Variants in RFX3 observed in about 807,000 individuals in gnomAD.
The protein encoded by RFX3 is regulatory factor X3, also known as transcription factor RFX3.
In RFX3, 14 loss-of-function variants were observed where a neutral mutation model predicts 98.6. The ratio of observed to expected loss-of-function variants is 0.14; its 90% confidence interval spans 0.09 to 0.22. The LOEUF is 0.22. Among genes scored for constraint, RFX3 ranks in the 10% least tolerant of loss-of-function variants. The pLI is 1.00. For synonymous variants in RFX3, 383 were observed against 328.4 expected (o/e 1.17, Z -1.80); for missense variants, 639 against 926.9 (o/e 0.69, Z 4.03).
chr9:3,247,976 A>G, intron 15 of RFX3, 56 bp downstream of exon 15: 3 of 1,614,010 alleles, frequency 1.9e-6, no homozygotes, highest in Non-Finnish European at 2.5e-6. Context: ...ACTGAAGTGT[A>G]ATTCTGGCTT....
intron 1 of RFX3, among the ~76,000 whole-genome samples, chr9:3,494,984 T>C (rs1285623425): frequency 6.6e-6 from 1 of 152,008 alleles, no homozygotes; most frequent in African/African-American, 2.4e-5. Flanking sequence ...ACAAGTTTGG[T>C]AGTTTAATTA....
At chr9:3,524,447 A>T in intron 1 of RFX3, 1 of 874,640 alleles carries the variant, frequency 1.1e-6, no homozygotes, top group Non-Finnish European at 1.4e-6. Context: ...ACATGCCTAG[A>T]TCTTAACCAG....
intron 4 of RFX3, among the ~76,000 whole-genome samples, chr9:3,314,726 T>C (rs1830377518): frequency 1.3e-5 from 2 of 152,014 alleles, no homozygotes; most frequent in South Asian, 4.1e-4. Flanking sequence ...GTTGCAATTC[T>C]AGTCTCTGAT....
At chr9:3,443,850 C>T (rs1450771488) in intron 1 of RFX3, among the ~76,000 whole-genome samples, 8 of 152,152 alleles carry the variant, frequency 5.3e-5, no homozygotes, top group African/African-American at 9.7e-5. Context: ...TTTTTCTCCG[C>T]AACCTTGCCA....
intron 1 of RFX3, among the ~76,000 whole-genome samples, chr9:3,508,140 A>C (rs1817294521): frequency 6.6e-6 from 1 of 151,994 alleles, no homozygotes; most frequent in Non-Finnish European, 1.5e-5. Context: ...GGACTCTATT[A>C]ATCTGAATTT....
intron 1 of RFX3, among the ~76,000 whole-genome samples, chr9:3,516,612 C>T (rs754152094): frequency 6.6e-6 from 1 of 152,102 alleles, no homozygotes; most frequent in Non-Finnish European, 1.5e-5. Context: ...TCTTAAAAAC[C>T]AGTTGAATAG....
Position 3,279,438 on chromosome 9 carries a change from G to A in RFX3, c.852-1977C>T, listed in dbSNP as rs530620626. On this transcript the variant is annotated intron_variant, in intron 7 of 16. Coordinates refer to ENST00000617270, the MANE Select transcript of RFX3 (RefSeq NM_001282116.2). Reference sequence around the variant, plus strand: ...TATTTACCCTGGAGGAGGAAAAAATGAAAATAATTCCAATAGACTTCAATT... The same window carrying A: ...TATTTACCCTGGAGGAGGAAAAAATAAAAATAATTCCAATAGACTTCAATT... Among the ~76,000 whole-genome samples the A allele has an allele frequency of 3.9e-5, 6 of 151,914 alleles. No individual in the cohort carries two copies. The East Asian group carries it at 1.2e-3, about 29-fold the overall frequency.
chr9:3,371,896 A>G (rs779253927), intron 2 of RFX3, among the ~76,000 whole-genome samples: 38 of 152,324 alleles, frequency 2.5e-4, no homozygotes, highest in Middle Eastern at 3.4e-3. Context: ...AGGTACCAAG[A>G]AAAATTCCCT....
At chr9:3,329,017 T>C (rs1278292978) in intron 4 of RFX3, among the ~76,000 whole-genome samples, 2 of 152,164 alleles carry the variant, frequency 1.3e-5, no homozygotes, top group Non-Finnish European at 1.5e-5. Context: ...TTAGTAGAGG[T>C]GAAAAGCAGA....
intron 2 of RFX3, among the ~76,000 whole-genome samples, chr9:3,356,973 G>GA (rs1835850889): frequency 7.8e-6 from 1 of 128,968 alleles, no homozygotes; most frequent in South Asian, 2.3e-4. Flanking sequence ...GCACACACAC[G>GA]CACACACACA....
chr9:3,325,666 T>A (rs1831828045), intron 4 of RFX3, among the ~76,000 whole-genome samples: 1 of 151,956 alleles, frequency 6.6e-6, no homozygotes, highest in Admixed American at 6.5e-5. Flanking sequence ...AGTGAGTAAA[T>A]AAGGCTTTTT....
At chr9:3,509,793 T>C (rs1237123884) in intron 1 of RFX3, among the ~76,000 whole-genome samples, 3 of 143,114 alleles carry the variant, frequency 2.1e-5, no homozygotes, top group African/African-American at 8.4e-5. Flanking sequence ...ATTTGAGTTC[T>C]TTGCCTTTAA....
At chr9:3,340,825 C>A (rs1400884995) in intron 3 of RFX3, among the ~76,000 whole-genome samples, 1 of 152,162 alleles carries the variant, frequency 6.6e-6, no homozygotes, top group African/African-American at 2.4e-5. Context: ...ACTAGTTCAA[C>A]CATTGTGGAA....
intron 2 of RFX3, chr9:3,394,881 G>A: frequency 1.0e-6 from 1 of 978,566 alleles, no homozygotes; most frequent in Non-Finnish European, 1.2e-6. Flanking sequence ...CAACTGCCCT[G>A]CGTATGAATA....
intron 1 of RFX3, among the ~76,000 whole-genome samples, chr9:3,396,490 G>C (rs984823429): frequency 1.3e-5 from 2 of 152,198 alleles, no homozygotes; most frequent in Admixed American, 1.3e-4. Flanking sequence ...GAATAGTGCC[G>C]CAGTAAACAT....
intron 15 of RFX3, among the ~76,000 whole-genome samples, chr9:3,243,288 A>C (rs558729056): frequency 7.3e-4 from 110 of 150,488 alleles, no homozygotes; most frequent in Non-Finnish European, 1.3e-3. Flanking sequence ...AAATTATATA[A>C]ATTTTAGCAA....
chr9:3,332,057 T>A (rs1324325499), intron 3 of RFX3, among the ~76,000 whole-genome samples: 1 of 152,208 alleles, frequency 6.6e-6, no homozygotes, highest in Non-Finnish European at 1.5e-5. Flanking sequence ...TACTCTTCCC[T>A]CTGACTGACA....
At chr9:3,302,739 A>G (rs1343031495) in intron 4 of RFX3, among the ~76,000 whole-genome samples, 1 of 151,894 alleles carries the variant, frequency 6.6e-6, no homozygotes, top group East Asian at 1.9e-4. Context: ...ATAATGCAGT[A>G]ATATCTATAG....
intron 4 of RFX3, among the ~76,000 whole-genome samples, chr9:3,318,430 G>C (rs1364875396): frequency 6.6e-6 from 1 of 151,732 alleles, no homozygotes; most frequent in Non-Finnish European, 1.5e-5. Flanking sequence ...TAAATGACGA[G>C]TTAACGGGTG....
Sources: gnomAD v4.1 joint callset for allele counts (sites outside exome capture counted in the v4.1 genomes callset) on GRCh38, gnomAD v4.1.1 for gene constraint, MANE v1.5 for transcripts, NCBI Gene and HGNC (gene_info 2026-07-23, HGNC 2026-07-21) for gene names.